The following TNR variants were observed in gnomAD, a reference collection of about 807,000 sequenced individuals.
The protein encoded by TNR is tenascin-R.
In TNR, 45 loss-of-function variants were observed where a neutral mutation model predicts 150.4. The ratio of observed to expected loss-of-function variants is 0.30; its 90% confidence interval spans 0.24 to 0.38. The LOEUF (loss-of-function observed/expected upper bound fraction) is 0.38. TNR is among the 10% of genes least tolerant of loss of function. The probability of loss-of-function intolerance (pLI) is 1.00; values close to 1 mark genes in which losing one functional copy is unlikely to be tolerated. For missense variants in TNR, 1,544 were observed against 1,759.1 expected (o/e 0.88, Z 2.19); for synonymous variants, 687 against 678.4 (o/e 1.01, Z -0.20).
intron 1 of TNR, among the ~76,000 whole-genome samples, chr1:175,547,602 A>AAAGG (rs1491543962): frequency 1.7e-4 from 4 of 23,552 alleles, no homozygotes; most frequent in Non-Finnish European, 5.5e-4. Context: ...AGAAAGAAAG[A>AAAGG]AAGAAAGAAA....
chr1:175,459,131 A>G (rs948946949), intron 2 of TNR, among the ~76,000 whole-genome samples: 16 of 151,678 alleles, frequency 1.1e-4, no homozygotes, highest in Non-Finnish European at 2.4e-4. Context: ...CCCTTCTGCC[A>G]TCACTACCAC....
intron 18 of TNR, among the ~76,000 whole-genome samples, chr1:175,339,469 C>T (rs1650412584): frequency 6.6e-6 from 1 of 152,222 alleles, no homozygotes; most frequent in Admixed American, 6.5e-5. Flanking sequence ...CCCCTAGAGG[C>T]TACAGTTACA....
At chr1:175,331,117 TC>T (rs1649858435) in intron 20 of TNR, among the ~76,000 whole-genome samples, 1 of 117,424 alleles carries the variant, frequency 8.5e-6, no homozygotes, top group East Asian at 2.5e-4. Flanking sequence ...CTCTTTCTTT[TC>T]TTTCTTTCTT....
chr1:175,703,197 A>G (rs533936038), intron 1 of TNR, among the ~76,000 whole-genome samples: 2 of 152,360 alleles, frequency 1.3e-5, no homozygotes, highest in East Asian at 1.9e-4. Flanking sequence ...GATAGTCTAC[A>G]TATTTTCAGT....
intron 1 of TNR, among the ~76,000 whole-genome samples, chr1:175,699,211 TAGAATAATGGAGTC>T (rs1227834741): frequency 6.6e-6 from 1 of 151,868 alleles, no homozygotes; most frequent in Non-Finnish European, 1.5e-5. Flanking sequence ...CCTGAGTAAC[TAGAATAATGGAGTC>T]ACCATTATGG....
chr1:175,729,505 T>C (rs1468988226), intron 1 of TNR, among the ~76,000 whole-genome samples: 4 of 152,030 alleles, frequency 2.6e-5, no homozygotes, highest in Admixed American at 1.3e-4. Context: ...CATAACTCAC[T>C]GCAACGTCGA....
chr1:175,682,737 C>A (rs996062746), intron 1 of TNR, among the ~76,000 whole-genome samples: 1 of 152,120 alleles, frequency 6.6e-6, no homozygotes, highest in African/African-American at 2.4e-5. Flanking sequence ...CAGGTGGAAG[C>A]AGAACTGGGT....
intron 1 of TNR, among the ~76,000 whole-genome samples, chr1:175,620,487 C>G (rs970992837): frequency 6.6e-6 from 1 of 152,212 alleles, no homozygotes; most frequent in Non-Finnish European, 1.5e-5. Context: ...GCCAGAGAAA[C>G]TAGTCCAAGT....
rs1368106193 is a variant in TNR, at chr1:175,320,325, G to A, written c.*3032C>T. ...GACCTTGGGATGAGAGTGGGGCACA[G>A]TGTCTTTTAAACATGGTGAAAACTC... On this transcript the variant is annotated 3_prime_UTR_variant, in exon 23 of 23. Transcript: ENST00000367674. 2.0e-5 allele frequency: 3 copies of A among 152,246 alleles called. No homozygotes were observed. The highest frequency in any genetic ancestry group is 7.2e-5 in the African/African-American group (3 of 41,430). The allele number at this position is 152,246 out of a possible 1,614,324, so 9.4% of individuals were successfully genotyped here.
At chr1:175,613,369 A>G (rs1293126215) in intron 1 of TNR, among the ~76,000 whole-genome samples, 1 of 152,152 alleles carries the variant, frequency 6.6e-6, no homozygotes, top group Non-Finnish European at 1.5e-5. Flanking sequence ...TCACATTGGT[A>G]GCTTTAAATT....
At chr1:175,726,855 A>G (rs985707180) in intron 1 of TNR, among the ~76,000 whole-genome samples, 5 of 152,226 alleles carry the variant, frequency 3.3e-5, no homozygotes, top group Non-Finnish European at 7.3e-5. Flanking sequence ...TGAAGTAAAT[A>G]TGATATACAA....
intron 1 of TNR, among the ~76,000 whole-genome samples, chr1:175,689,268 C>G (rs979384888): frequency 6.6e-6 from 1 of 152,218 alleles, no homozygotes; most frequent in Non-Finnish European, 1.5e-5. Context: ...CAGTGGCACA[C>G]TGCCTCTTCA....
chr1:175,467,362 C>A (rs73044445), intron 2 of TNR, among the ~76,000 whole-genome samples: 2,357 of 152,250 alleles, frequency 0.015, 54 homozygotes, highest in African/African-American at 0.054. Context: ...TCTTTAAAAC[C>A]CTCAAACCAA....
At chr1:175,622,587 G>T (rs1203557476) in intron 1 of TNR, among the ~76,000 whole-genome samples, 5 of 152,180 alleles carry the variant, frequency 3.3e-5, no homozygotes, top group Middle Eastern at 3.4e-3. Flanking sequence ...CATGTTTAAG[G>T]CCCCAGTATG....
rs771493093 is a variant in TNR at position 175,356,398 on chromosome 1, A to C, written c.3039T>G (p.Pro1013=). The C allele has an allele frequency of 5.6e-6, 9 of 1,613,972 alleles. No homozygotes were observed. The African/African-American group carries it at 6.7e-5, about 12-fold the overall frequency. ...ACATGGTGGCAGTATAGTGGGTGCT[A>C]GGAAGCAGGTCAACAAGCCGAAATT... The part of the protein sequence containing the change: ...SEEFRLVDLL[P]STHYTATMYA... The change falls in exon 16 of 23, where the codon CCT becomes CCG. Residue 1013 remains proline, a synonymous_variant. Transcript: ENST00000367674.
chr1:175,450,242 T>C lies in TNR; in HGVS notation c.-63-43465A>G, dbSNP rs576433290. Among the ~76,000 whole-genome samples the C allele has an allele frequency of 4.6e-5, 7 of 152,332 alleles. No individual in the cohort carries two copies. In the South Asian group the frequency reaches 6.2e-4, roughly 14 times the overall value. On this transcript the variant is annotated intron_variant, in intron 2 of 22. Transcript: ENST00000367674. The stretch of plus-strand genomic sequence containing the variant: ...GTCATTTGGTGCCAGGAAAGATTCA[T>C]GGTCTCTGGATTCAGCAGGGCCCCA...
intron 2 of TNR, among the ~76,000 whole-genome samples, chr1:175,498,549 A>G (rs549243526): frequency 6.6e-6 from 1 of 152,308 alleles, no homozygotes; most frequent in East Asian, 1.9e-4. Flanking sequence ...TGCAGCATCT[A>G]TTTGTTCCCA....
intron 2 of TNR, among the ~76,000 whole-genome samples, chr1:175,421,991 A>C (rs1654772232): frequency 6.6e-6 from 1 of 152,244 alleles, no homozygotes; most frequent in South Asian, 2.1e-4. Flanking sequence ...TCCTCACAGC[A>C]GTCATATCAC....
intron 2 of TNR, among the ~76,000 whole-genome samples, chr1:175,482,746 C>T (rs1379489018): frequency 6.6e-6 from 1 of 152,176 alleles, no homozygotes; most frequent in East Asian, 1.9e-4. Context: ...CCCTCTACTC[C>T]CTTTGTGATT....
Sources: gnomAD v4.1 joint callset for allele counts (sites outside exome capture counted in the v4.1 genomes callset) on GRCh38, gnomAD v4.1.1 for gene constraint, MANE v1.5 for transcripts, NCBI Gene and HGNC (gene_info 2026-07-23, HGNC 2026-07-21) for gene names.